PIEZO2: variants seen among roughly 807,000 people sequenced by gnomAD.
PIEZO2 encodes piezo-type mechanosensitive ion channel component 2.
PIEZO2 carries 172 observed loss-of-function variants against 337.3 expected under a neutral mutation model. The observed-to-expected ratio is 0.51, with a 90% CI of 0.45 to 0.58. PIEZO2 has a LOEUF of 0.58. PIEZO2 is among the 20% of genes least tolerant of loss of function. The pLI is 0.00. For missense variants in PIEZO2, 3,028 were observed against 3,391.3 expected, an observed-to-expected ratio of 0.89 and a Z score of 2.66; for synonymous variants, 1,251 against 1,228.5, an observed-to-expected ratio of 1.02 and a Z score of -0.38.
chr18:10,826,229 TC>T (rs1208243831), intron 7 of PIEZO2, among the ~76,000 whole-genome samples: 2 of 152,162 alleles, frequency 1.3e-5, no homozygotes, highest in East Asian at 3.8e-4. Context: ...TTCTAGGCCC[TC>T]TCACCTGAAA....
chr18:10,920,331 A>C (rs1470534173), intron 3 of PIEZO2, among the ~76,000 whole-genome samples: 2 of 152,138 alleles, frequency 1.3e-5, no homozygotes, highest in African/African-American at 4.8e-5. Flanking sequence ...CCCACAGCCC[A>C]GTGTCTTTTA....
intron 1 of PIEZO2, among the ~76,000 whole-genome samples, chr18:11,145,629 A>AT (rs1326332545): frequency 6.6e-6 from 1 of 152,186 alleles, no homozygotes; most frequent in Non-Finnish European, 1.5e-5. Context: ...AAACCTGAAT[A>AT]TTTGACTTAG....
chr18:10,987,118 A>C (rs755926219), intron 2 of PIEZO2, among the ~76,000 whole-genome samples: 1 of 152,098 alleles, frequency 6.6e-6, no homozygotes, highest in Non-Finnish European at 1.5e-5. Context: ...AATGTATTTA[A>C]GATGCCCATA....
chr18:11,038,181 G>A lies in PIEZO2; in HGVS notation c.160+27946C>T, dbSNP rs1465704242. On this transcript the variant is annotated intron_variant, in intron 2 of 55. Coordinates refer to ENST00000674853, the MANE Select transcript of PIEZO2 (RefSeq NM_001378183.1). The surrounding 1 kb of genome is among the most constrained non-coding windows in gnomAD (Gnocchi z 4.1). ...TTTATAACCTTTCTCATTTTCTCTA[G>A]GTCCTAGTCACCAGAACCACTATAC... is the stretch of plus-strand genomic sequence containing the variant. Among the ~76,000 whole-genome samples the A allele has an allele frequency of 1.3e-5, 2 of 150,046 alleles. No homozygotes were observed. Among genetic ancestry groups the A allele is most frequent in the Non-Finnish European group, 3.0e-5 (2 of 66,726 alleles).
In PIEZO2 at chr18:11,148,410, T is replaced by C. The variant is rs2040863124; in HGVS notation, c.64+115A>G. 9 of 1,215,574 alleles carry C rather than the reference T, an allele frequency of 7.4e-6. No homozygotes were observed. In the Admixed American group the frequency reaches 8.4e-5, roughly 11 times the overall value. The allele number at this position is 1,215,574 out of a possible 1,614,324, so 75.3% of individuals were successfully genotyped here. A position where few individuals can be genotyped will look rare whatever the true frequency, so the allele number is the denominator to read the frequency against. ...AGGGACAGCGCGCGTCTGACGCCGC[T>C]GGCCTCCCGAATCGAACCCCAGAGC... On this transcript the variant is annotated intron_variant, in intron 1 of 55. Transcript: ENST00000674853. This position sits in a 1 kb window ranked among gnomAD's most constrained non-coding sequence, Gnocchi z 5.2.
Position 10,710,591 on chromosome 18 carries a change from A to C in PIEZO2, c.5424-2152T>G, listed in dbSNP as rs2143834402. On this transcript the variant is annotated intron_variant, in intron 39 of 55. Transcript: ENST00000674853. ...GTGACTATTCTCGTAAGTCAAAGGG[A>C]CTACAAATCCACTTGTTAGGATCCC... is the stretch of plus-strand genomic sequence containing the variant. Among the ~76,000 whole-genome samples, 2 of 152,366 alleles carry C rather than the reference A, an allele frequency of 1.3e-5. 1 individual carries two copies. Among genetic ancestry groups the C allele is most frequent in the South Asian group, 4.1e-4 (2 of 4,834 alleles).
rs771051598 is a variant in PIEZO2, at chr18:10,714,963, T to C, written c.5257-33A>G. On this transcript the variant is annotated intron_variant, in intron 38 of 55. Coordinates refer to ENST00000674853, the MANE Select transcript of PIEZO2 (RefSeq NM_001378183.1). ...GAATGAGACATTGCCACAGTTCTTA[T>C]GGAGGCATCTACCTGTATAGCCACC... is the stretch of plus-strand genomic sequence containing the variant. 1.8e-5 allele frequency: 27 copies of C among 1,532,462 alleles called. No homozygotes were observed. The African/African-American group carries it at 3.3e-4, about 19-fold the overall frequency. 94.9% of individuals were successfully genotyped at this position (1,532,462 alleles called of 1,614,324 possible). A position where few individuals can be genotyped will look rare whatever the true frequency, so the allele number is the denominator to read the frequency against.
rs1201773944 is a variant in PIEZO2 at position 10,794,734 on chromosome 18, G to C, written c.1758+38C>G. On this transcript the variant is annotated intron_variant, in intron 13 of 55. Coordinates refer to ENST00000674853, the MANE Select transcript of PIEZO2 (RefSeq NM_001378183.1). This position sits in a 1 kb window ranked among gnomAD's most constrained non-coding sequence, Gnocchi z 6.6. The stretch of plus-strand genomic sequence containing the variant: ...CGATTATGATGATGATTGTGGTTTT[G>C]TGTCATTGTTTTGTTTTATTGTATT... The C allele has an allele frequency of 7.3e-7, 1 of 1,379,202 alleles. No individual in the cohort carries two copies. The highest frequency in any genetic ancestry group is 2.3e-5 in the Admixed American group (1 of 43,268). 85.4% of individuals were successfully genotyped at this position (1,379,202 alleles called of 1,614,324 possible).
At chr18:11,115,157 A>G (rs1000533334) in intron 1 of PIEZO2, among the ~76,000 whole-genome samples, 1 of 152,254 alleles carries the variant, frequency 6.6e-6, no homozygotes, top group African/African-American at 2.4e-5. Flanking sequence ...TTGGTTATAG[A>G]CAGTTAAATG....
At chr18:11,121,207 G>A (rs765918880) in intron 1 of PIEZO2, among the ~76,000 whole-genome samples, 6 of 151,780 alleles carry the variant, frequency 4.0e-5, no homozygotes, top group Non-Finnish European at 7.4e-5. Flanking sequence ...AGCCAAGATC[G>A]GGCCACTGCG....
In PIEZO2 at chr18:10,677,774, T is replaced by A; in HGVS notation, c.8054A>T (p.Asn2685Ile). 1 of 1,611,428 alleles carries A rather than the reference T, an allele frequency of 6.2e-7. No homozygotes were observed. The change falls in exon 53 of 56, where the codon AAC (asparagine) becomes ATC (isoleucine). Residue 2685 changes from asparagine to isoleucine, a missense_variant. Physicochemically the swap from Asn to Ile is moderately radical, Grantham distance 149 (BLOSUM62 -3). This residue lies in a region of PIEZO2 where 332 missense variants were observed against 363.8 expected (regional missense o/e 0.91). Transcript: ENST00000674853. The surrounding 1 kb of genome is among the most constrained non-coding windows in gnomAD (Gnocchi z 4.1). ...TGGTGTTTTTGAACTTTCTGTGCTG[T>A]TGCCTGCTATCATTTTAGCGATATT... ...RKNIAKMIAG[N>I]STESSKTPVT...
chr18:10,705,722 C>T lies in PIEZO2; in HGVS notation c.5613G>A (p.Leu1871=). 1.3e-6 allele frequency: 2 copies of T among 1,533,900 alleles called. No individual in the cohort carries two copies. Among genetic ancestry groups the T allele is most frequent in the South Asian group, 1.2e-5 (1 of 83,852 alleles). The change falls in exon 41 of 56, where the codon CTG becomes CTA. Residue 1871 remains leucine, a synonymous_variant. Coordinates refer to ENST00000674853, the MANE Select transcript of PIEZO2 (RefSeq NM_001378183.1). The part of the protein sequence containing the change: ...ASSEPTQCTM[L]YSRQGTTETI... ...TCTCAGTGGTCCCCTGGCGTGAGTA[C>T]AGCATGGTACACTGCGTGGGCTCGC...
intron 1 of PIEZO2, among the ~76,000 whole-genome samples, chr18:11,088,392 T>C (rs962123075): frequency 7.9e-5 from 12 of 152,206 alleles, no homozygotes; most frequent in African/African-American, 2.9e-4. Context: ...TTCCTATTCA[T>C]TGGATTTCTA....
chr18:10,972,498 A>G (rs264236), intron 3 of PIEZO2, among the ~76,000 whole-genome samples: 76,110 of 151,706 alleles, frequency 0.5, 19,199 homozygotes, highest in Middle Eastern at 0.54. Flanking sequence ...AGAGGTTGCT[A>G]AGAAGGTGAA....
rs2041378289 is a variant in PIEZO2, at chr18:10,846,776, G to A, written c.917+8577C>T. 6.6e-6 allele frequency among the ~76,000 whole-genome samples: 1 copy of A among 152,164 alleles called. No individual in the cohort carries two copies. Among genetic ancestry groups the A allele is most frequent in the South Asian group, 2.1e-4 (1 of 4,820 alleles). ...ATGGGTAGGTTTAAGGGACAAACAG[G>A]AGCCAGTGAGAGCAGTGAGCAGGAG... On this transcript the variant is annotated intron_variant, in intron 7 of 55. Coordinates refer to ENST00000674853, the MANE Select transcript of PIEZO2 (RefSeq NM_001378183.1). The surrounding 1 kb of genome is among the most constrained non-coding windows in gnomAD (Gnocchi z 4.1).
At chr18:11,026,407 A>G (rs796663726) in intron 2 of PIEZO2, among the ~76,000 whole-genome samples, 2 of 152,164 alleles carry the variant, frequency 1.3e-5, no homozygotes, top group African/African-American at 4.8e-5. Context: ...CTGCACCCTG[A>G]CTGGTCCCTT....
chr18:10,751,366 G>C (rs1390614261), intron 28 of PIEZO2, among the ~76,000 whole-genome samples: 1 of 152,194 alleles, frequency 6.6e-6, no homozygotes, highest in Non-Finnish European at 1.5e-5. Context: ...CTCACCATCA[G>C]ACTGGCTTTA....
chr18:10,813,896 A>G lies in PIEZO2; in HGVS notation c.918-6622T>C, dbSNP rs1029191885. On this transcript the variant is annotated intron_variant, in intron 7 of 55. Coordinates refer to ENST00000674853, the MANE Select transcript of PIEZO2 (RefSeq NM_001378183.1). The surrounding 1 kb of genome is among the most constrained non-coding windows in gnomAD (Gnocchi z 4.2). ...CAGTGCACAGTCTTCCAGTTTCCCT[A>G]TAGCCTTGCCAAGTCTTGTTATTTT... Among the ~76,000 whole-genome samples, 43 of 152,128 alleles carry G rather than the reference A, an allele frequency of 2.8e-4. No homozygotes were observed. The highest frequency in any genetic ancestry group is 8.4e-4 in the African/African-American group (35 of 41,516).
intron 4 of PIEZO2, among the ~76,000 whole-genome samples, chr18:10,874,509 A>G (rs1052615004): frequency 6.6e-6 from 1 of 152,172 alleles, no homozygotes; most frequent in Non-Finnish European, 1.5e-5. Flanking sequence ...AGATATCTGC[A>G]CTTCTATATT....
Sources: allele counts gnomAD v4.1 joint callset (sites outside exome capture counted in the v4.1 genomes callset), GRCh38; gene constraint gnomAD v4.1.1; regional missense constraint gnomAD v4.1.1; non-coding constraint Gnocchi (gnomAD v3.1); transcripts MANE v1.5; gene names NCBI Gene and HGNC (gene_info 2026-07-23, HGNC 2026-07-21).